SLC9A9: variants seen among roughly 807,000 people sequenced by gnomAD.
The protein encoded by SLC9A9 is sodium/hydrogen exchanger 9.
In SLC9A9, 62 loss-of-function variants were observed where a neutral mutation model predicts 77.8. That is an observed-to-expected ratio of 0.80 (90% CI 0.65 to 0.98). SLC9A9 has a LOEUF of 0.98. SLC9A9 is among the 50% of genes least tolerant of loss of function. The pLI is 0.00. For missense variants in SLC9A9, 775 were observed against 774.9 expected, an observed-to-expected ratio of 1.00 and a Z score of 0.00; for synonymous variants, 320 against 283.5, an observed-to-expected ratio of 1.13 and a Z score of -1.29.
intron 14 of SLC9A9, among the ~76,000 whole-genome samples, chr3:143,281,337 T>A (rs909960800): frequency 6.6e-6 from 1 of 152,210 alleles, no homozygotes. Context: ...TACCACAGTG[T>A]AGTCTAACCT....
chr3:143,634,919 A>C (rs1184429271), intron 6 of SLC9A9, among the ~76,000 whole-genome samples: 1 of 152,162 alleles, frequency 6.6e-6, no homozygotes, highest in Non-Finnish European at 1.5e-5. Flanking sequence ...ATAATAGTAC[A>C]GGGAAAGGGG....
rs141295822 is a variant in SLC9A9, at chr3:143,283,233, T to C, written c.1605-14253A>G. Among the ~76,000 whole-genome samples the C allele has an allele frequency of 5.9e-3, 904 of 152,302 alleles. 5 individuals are homozygous for C. Among genetic ancestry groups the C allele is most frequent in the Non-Finnish European group, 9.5e-3 (645 of 68,032 alleles). On this transcript the variant is annotated intron_variant, in intron 14 of 15. Transcript: ENST00000316549. ...AACCTCCACCTTATTTTGGACTTAG[T>C]TGATAGTAATATAGTCAGGAAATGG... is the stretch of plus-strand genomic sequence containing the variant.
At chr3:143,772,900 C>G (rs577990641) in intron 4 of SLC9A9, among the ~76,000 whole-genome samples, 3 of 152,236 alleles carry the variant, frequency 2.0e-5, no homozygotes, top group Non-Finnish European at 4.4e-5. Context: ...TTGATTTTAA[C>G]TATGTTAAGG....
At chr3:143,801,309 T>C (rs2008550829) in intron 2 of SLC9A9, among the ~76,000 whole-genome samples, 1 of 152,230 alleles carries the variant, frequency 6.6e-6, no homozygotes, top group South Asian at 2.1e-4. Flanking sequence ...GATGTCTCCA[T>C]GCAGCGGCTG....
intron 12 of SLC9A9, among the ~76,000 whole-genome samples, chr3:143,397,361 G>C (rs188896673): frequency 6.6e-6 from 1 of 152,198 alleles, no homozygotes; most frequent in African/African-American, 2.4e-5. Context: ...ACTGGGTGGG[G>C]AGTCTTCTCA....
chr3:143,292,291 T>C (rs1455911822), intron 14 of SLC9A9, among the ~76,000 whole-genome samples: 1 of 152,234 alleles, frequency 6.6e-6, no homozygotes, highest in Non-Finnish European at 1.5e-5. Flanking sequence ...CCAGTCAGAT[T>C]TGGCATGAAA....
chr3:143,358,025 CT>C (rs5853107), intron 14 of SLC9A9, among the ~76,000 whole-genome samples: 73,114 of 144,940 alleles, frequency 0.5, 19,124 homozygotes, highest in African/African-American at 0.7. Context: ...TTTTTCTTTC[CT>C]TTTTTTTTTT....
intron 7 of SLC9A9, among the ~76,000 whole-genome samples, chr3:143,577,538 A>G (rs536266630): frequency 2.6e-5 from 4 of 152,174 alleles, no homozygotes; most frequent in Non-Finnish European, 4.4e-5. Context: ...TTACAGTGTG[A>G]TAACTTCGAT....
intron 6 of SLC9A9, among the ~76,000 whole-genome samples, chr3:143,583,591 T>C (rs924651786): frequency 6.6e-6 from 1 of 152,240 alleles, no homozygotes; most frequent in Non-Finnish European, 1.5e-5. Flanking sequence ...TTGAGCAAGT[T>C]ATTGAAACCA....
intron 12 of SLC9A9, among the ~76,000 whole-genome samples, chr3:143,390,350 A>G (rs1169973563): frequency 2.0e-5 from 3 of 152,238 alleles, no homozygotes; most frequent in Non-Finnish European, 2.9e-5. Context: ...GGCTGTTCCT[A>G]TCACTTACTT....
chr3:143,298,178 T>C (rs1306475592), intron 14 of SLC9A9, among the ~76,000 whole-genome samples: 1 of 152,226 alleles, frequency 6.6e-6, no homozygotes, highest in African/African-American at 2.4e-5. Context: ...TCCCCCCACG[T>C]TGATGTTCAG....
At chr3:143,533,781 T>C (rs1204305384) in intron 9 of SLC9A9, among the ~76,000 whole-genome samples, 1 of 152,236 alleles carries the variant, frequency 6.6e-6, no homozygotes, top group Non-Finnish European at 1.5e-5. Context: ...GGCATTTCTT[T>C]GTTAATGAGG....
intron 12 of SLC9A9, among the ~76,000 whole-genome samples, chr3:143,417,849 T>C (rs944949484): frequency 1.3e-5 from 2 of 151,976 alleles, no homozygotes; most frequent in African/African-American, 2.4e-5. Context: ...CATGGAACTA[T>C]GGAAGAGCAT....
At chr3:143,345,960 A>G (rs957733765) in intron 14 of SLC9A9, among the ~76,000 whole-genome samples, 5 of 152,198 alleles carry the variant, frequency 3.3e-5, no homozygotes, top group African/African-American at 1.2e-4. Flanking sequence ...CCACCCTAAT[A>G]CAGCTTGTCT....
intron 4 of SLC9A9, among the ~76,000 whole-genome samples, chr3:143,745,690 C>A (rs925453819): frequency 3.3e-5 from 5 of 152,200 alleles, no homozygotes; most frequent in African/African-American, 7.2e-5. Context: ...ATTTTCATAT[C>A]ATTCCAGGTG....
chr3:143,667,933 C>T (rs952592498), intron 5 of SLC9A9, among the ~76,000 whole-genome samples: 5 of 152,152 alleles, frequency 3.3e-5, no homozygotes, highest in Admixed American at 2.0e-4. Context: ...AGCGATTCCT[C>T]AAGGATCTAG....
intron 6 of SLC9A9, among the ~76,000 whole-genome samples, chr3:143,629,378 T>A (rs549635497): frequency 7.2e-5 from 11 of 152,322 alleles, no homozygotes; most frequent in African/African-American, 2.6e-4. Flanking sequence ...TAGGGAATAA[T>A]AGACAATAAA....
intron 9 of SLC9A9, among the ~76,000 whole-genome samples, chr3:143,515,848 G>T (rs2036195431): frequency 6.6e-6 from 1 of 152,006 alleles, no homozygotes; most frequent in South Asian, 2.1e-4. Flanking sequence ...TTGTGTTACT[G>T]ACATAAACTG....
intron 9 of SLC9A9, among the ~76,000 whole-genome samples, chr3:143,535,623 A>C (rs2036578172): frequency 6.6e-6 from 1 of 152,172 alleles, no homozygotes; most frequent in Non-Finnish European, 1.5e-5. Context: ...TAAGATACAA[A>C]GGTGCTTTTC....
Sources: allele counts gnomAD v4.1 joint callset (sites outside exome capture counted in the v4.1 genomes callset), GRCh38; gene constraint gnomAD v4.1.1; transcripts MANE v1.5; gene names NCBI Gene and HGNC (gene_info 2026-07-23, HGNC 2026-07-21).